The following SPAG16 variants were observed in gnomAD, a reference collection of about 807,000 sequenced individuals.
SPAG16 encodes sperm associated antigen 16, also known as sperm-associated antigen 16 protein.
In SPAG16, 86 loss-of-function variants were observed where a neutral mutation model predicts 80.4. The observed-to-expected ratio is 1.07, with a 90% CI of 0.90 to 1.28. The LOEUF is 1.28. Among genes scored for constraint, SPAG16 ranks in the 50% most tolerant of loss-of-function variants. The pLI, the probability that SPAG16 is intolerant of heterozygous loss-of-function variation, is 0.00. For missense variants in SPAG16, 870 were observed against 765.3 expected (o/e 1.14, Z -1.61); for synonymous variants, 294 against 265.9 (o/e 1.11, Z -1.03).
intron 10 of SPAG16, among the ~76,000 whole-genome samples, chr2:213,764,817 C>A (rs1377397190): frequency 6.6e-6 from 1 of 152,064 alleles, no homozygotes; most frequent in Non-Finnish European, 1.5e-5. Context: ...TATTATAATT[C>A]ATTGCCATCT....
At chr2:213,965,279 G>T (rs1172796955) in intron 12 of SPAG16, among the ~76,000 whole-genome samples, 1 of 152,144 alleles carries the variant, frequency 6.6e-6, no homozygotes, top group African/African-American at 2.4e-5. Context: ...AGTCCCTGGG[G>T]TTCAACTTTT....
chr2:213,366,625 A>G (rs1221568311), intron 8 of SPAG16, among the ~76,000 whole-genome samples: 2 of 152,226 alleles, frequency 1.3e-5, no homozygotes, highest in South Asian at 2.1e-4. Flanking sequence ...ACCCGCCTCC[A>G]TGATTCAAAT....
At chr2:213,736,303 T>C (rs973356642) in intron 10 of SPAG16, among the ~76,000 whole-genome samples, 1 of 152,166 alleles carries the variant, frequency 6.6e-6, no homozygotes, top group African/African-American at 2.4e-5. Flanking sequence ...GATTTTTTTT[T>C]CTTTTTTTGA....
chr2:213,858,142 A>G (rs1467291962), intron 10 of SPAG16, among the ~76,000 whole-genome samples: 1 of 152,224 alleles, frequency 6.6e-6, no homozygotes, highest in African/African-American at 2.4e-5. Flanking sequence ...GAAGGATTTA[A>G]AATATTTCAT....
intron 10 of SPAG16, among the ~76,000 whole-genome samples, chr2:213,760,859 G>A (rs1408592708): frequency 1.3e-5 from 2 of 152,158 alleles, no homozygotes; most frequent in Non-Finnish European, 2.9e-5. Context: ...ATGGCAGAAG[G>A]CATTAGATGG....
intron 14 of SPAG16, among the ~76,000 whole-genome samples, chr2:214,138,928 A>G (rs192520910): frequency 3.3e-4 from 51 of 152,254 alleles, no homozygotes; most frequent in Admixed American, 1.8e-3. Context: ...GTTCTTCAAA[A>G]AAAGTGAGAT....
rs142156397 is a variant in SPAG16 at position 213,427,867 on chromosome 2, T to C, written c.942+52748T>C. Among the ~76,000 whole-genome samples, 539 of 152,334 alleles carry C rather than the reference T, an allele frequency of 3.5e-3. 6 individuals carry two copies. The highest frequency in any genetic ancestry group is 0.012 in the African/African-American group (507 of 41,572). The stretch of plus-strand genomic sequence containing the variant: ...CTGGAAAGTGGCTATCAGTAAAATA[T>C]TCAGTGTAGATTTAATTTTCTTTGA... On this transcript the variant is annotated intron_variant, in intron 9 of 15. Coordinates refer to ENST00000331683, the MANE Select transcript of SPAG16 (RefSeq NM_024532.5).
intron 12 of SPAG16, among the ~76,000 whole-genome samples, chr2:213,977,982 CT>C (rs10708109): frequency 0.42 from 63,948 of 151,102 alleles, 13,920 homozygotes; most frequent in South Asian, 0.65. Flanking sequence ...TCTCTCTCTA[CT>C]TTTTTTTGTT....
At chr2:213,833,079 C>T (rs2073767670) in intron 10 of SPAG16, among the ~76,000 whole-genome samples, 1 of 151,664 alleles carries the variant, frequency 6.6e-6, no homozygotes. Context: ...TCGCTGTGTT[C>T]TTCCTTCATT....
rs528711942 is a variant in SPAG16, at chr2:213,477,723, G to A, written c.943-12240G>A. 3.2e-4 allele frequency among the ~76,000 whole-genome samples: 49 copies of A among 152,210 alleles called. 1 individual carries two copies. Among genetic ancestry groups the A allele is most frequent in the Non-Finnish European group, 1.5e-4 (10 of 68,028 alleles). On this transcript the variant is annotated intron_variant, in intron 9 of 15. Transcript: ENST00000331683. ...TGATTTTACAGGATCATAGGTGGAA[G>A]GGACTTGCCTTGTCTCAGATGAGAC...
At chr2:214,316,273 A>C (rs559658074) in intron 15 of SPAG16, among the ~76,000 whole-genome samples, 2 of 152,314 alleles carry the variant, frequency 1.3e-5, no homozygotes, top group South Asian at 2.1e-4. Context: ...GCAACACAGC[A>C]CTAATCCCAT....
intron 15 of SPAG16, among the ~76,000 whole-genome samples, chr2:214,328,002 T>C (rs73989422): frequency 6.6e-6 from 1 of 152,090 alleles, no homozygotes; most frequent in African/African-American, 2.4e-5. Flanking sequence ...TGTTTCATCT[T>C]TGTGTATGTT....
chr2:213,867,322 T>C (rs982437518), intron 11 of SPAG16, among the ~76,000 whole-genome samples: 16 of 152,202 alleles, frequency 1.1e-4, no homozygotes, highest in Non-Finnish European at 2.4e-4. Flanking sequence ...GAATGTGCAT[T>C]AGCACTATCT....
chr2:214,070,262 T>C (rs919722390), intron 13 of SPAG16, among the ~76,000 whole-genome samples: 8 of 152,190 alleles, frequency 5.3e-5, no homozygotes, highest in African/African-American at 1.7e-4. Flanking sequence ...ATGTTTTATT[T>C]CTTATTTTTA....
chr2:214,162,627 A>G (rs2056485315), intron 15 of SPAG16, among the ~76,000 whole-genome samples: 1 of 152,100 alleles, frequency 6.6e-6, no homozygotes, highest in Non-Finnish European at 1.5e-5. Flanking sequence ...CTTCAAACCA[A>G]TAGACACATC....
At chr2:213,632,346 T>C (rs1303259114) in intron 10 of SPAG16, among the ~76,000 whole-genome samples, 2 of 152,182 alleles carry the variant, frequency 1.3e-5, no homozygotes, top group Non-Finnish European at 2.9e-5. Flanking sequence ...TTTACTGAAT[T>C]TATCAGTTCT....
chr2:213,704,615 T>TAA (rs58187547), intron 10 of SPAG16, among the ~76,000 whole-genome samples: 1 of 147,194 alleles, frequency 6.8e-6, no homozygotes, highest in Non-Finnish European at 1.5e-5. Context: ...GTTGAACAAA[T>TAA]AAAAAAAAAA....
In SPAG16 at chr2:213,576,116, G is replaced by A. The variant is rs2126025173; in HGVS notation, c.1070+86026G>A. ...ATTTTTGCATATGATATAATGAAGG[G>A]GTCCTGTTTCAGTCTTCTGCATATG... On this transcript the variant is annotated intron_variant, in intron 10 of 15. Transcript: ENST00000331683. 2.0e-5 allele frequency among the ~76,000 whole-genome samples: 3 copies of A among 152,196 alleles called. 1 individual carries two copies. The highest frequency in any genetic ancestry group is 7.2e-5 in the African/African-American group (3 of 41,534).
At chr2:213,287,849 A>G (rs923388616) in intron 1 of SPAG16, among the ~76,000 whole-genome samples, 1 of 152,206 alleles carries the variant, frequency 6.6e-6, no homozygotes. Context: ...GAGGACTGTA[A>G]TTGAAGTAGC....
Sources: allele counts gnomAD v4.1 joint callset (sites outside exome capture counted in the v4.1 genomes callset), GRCh38; gene constraint gnomAD v4.1.1; transcripts MANE v1.5; gene names NCBI Gene and HGNC (gene_info 2026-07-23, HGNC 2026-07-21).